CCDC15: variants seen among roughly 807,000 people sequenced by gnomAD.
CCDC15 encodes the protein coiled-coil domain-containing protein 15.
In CCDC15, 105 loss-of-function variants were observed where a neutral mutation model predicts 114.5. The observed-to-expected ratio is 0.92, with a 90% CI of 0.78 to 1.08. The LOEUF (loss-of-function observed/expected upper bound fraction) is 1.08, where lower values mean the gene tolerates loss of function less well. Among genes scored for constraint, CCDC15 ranks in the 50% least tolerant of loss-of-function variants. The pLI, the probability that CCDC15 is intolerant of heterozygous loss-of-function variation, is 0.00. For synonymous variants in CCDC15, 334 were observed against 377.8 expected, an observed-to-expected ratio of 0.88 and a Z score of 1.34; for missense variants, 1,105 against 1,093.6, an observed-to-expected ratio of 1.01 and a Z score of -0.15.
intron 4 of CCDC15, among the ~76,000 whole-genome samples, chr11:124,974,368 G>A (rs111610737): frequency 3.3e-5 from 5 of 152,286 alleles, no homozygotes; most frequent in African/African-American, 1.2e-4. Context: ...AAAATAGGCT[G>A]TGCTTCTCTG....
intron 5 of CCDC15, among the ~76,000 whole-genome samples, chr11:124,976,738 GA>G (rs2135461802): frequency 6.6e-6 from 1 of 152,208 alleles, no homozygotes; most frequent in Non-Finnish European, 1.5e-5. Context: ...AGTTCTGATT[GA>G]AATAATTATC....
At chr11:124,985,662 A>G (rs1353603949) in intron 6 of CCDC15, among the ~76,000 whole-genome samples, 1 of 151,372 alleles carries the variant, frequency 6.6e-6, no homozygotes, top group Non-Finnish European at 1.5e-5. Context: ...TGCTTTACCC[A>G]TTTTTTAATT....
intron 11 of CCDC15, among the ~76,000 whole-genome samples, chr11:124,999,514 A>G (rs1565373993): frequency 6.6e-6 from 1 of 151,868 alleles, no homozygotes; most frequent in African/African-American, 2.4e-5. Flanking sequence ...ATATTGATCC[A>G]ATAGATTCAA....
At chr11:125,040,502 G>A in intron 15 of CCDC15, 88 bp from the exon 16 acceptor site, 1 of 1,195,160 alleles carries the variant, frequency 8.4e-7, no homozygotes, top group Non-Finnish European at 1.2e-6. Flanking sequence ...TAAGACTCTT[G>A]GTAGAGAAGC....
At chr11:125,040,516 A>G in intron 15 of CCDC15, 74 bp from the exon 16 acceptor site, 2 of 1,392,208 alleles carry the variant, frequency 1.4e-6, no homozygotes, top group Non-Finnish European at 9.8e-7. Flanking sequence ...GAGAAGCAGT[A>G]CTAATAAGAT....
At chr11:124,977,736 A>G (rs1947998270) in intron 6 of CCDC15, 136 bp downstream of exon 6, 3 of 845,428 alleles carry the variant, frequency 3.5e-6, no homozygotes, top group Non-Finnish European at 3.3e-6. Context: ...TTCATATACC[A>G]TACAATTCAC....
intron 11 of CCDC15, among the ~76,000 whole-genome samples, chr11:125,000,858 C>T (rs1948468395): frequency 1.3e-5 from 2 of 152,060 alleles, no homozygotes; most frequent in African/African-American, 4.8e-5. Context: ...GGGGAGATAC[C>T]AGGGGTAGAT....
At chr11:124,993,326 T>G in intron 11 of CCDC15, 83 bp downstream of exon 11, 1 of 927,424 alleles carries the variant, frequency 1.1e-6, no homozygotes, top group Non-Finnish European at 1.7e-6. Flanking sequence ...GAGTGTAAAT[T>G]GCTTTTTTTT....
intron 11 of CCDC15, among the ~76,000 whole-genome samples, chr11:124,996,651 G>GT (rs146222316): frequency 0.064 from 9,685 of 152,174 alleles, 371 homozygotes; most frequent in African/African-American, 0.11. Context: ...CATCTCCAGA[G>GT]TTTTTTCCAT....
At chr11:125,038,862 A>C in intron 14 of CCDC15, 59 bp from the exon 15 acceptor site, 340 of 1,390,034 alleles carry the variant, frequency 2.4e-4, no homozygotes, top group Non-Finnish European at 3.0e-4. Flanking sequence ...TAAAATCAGG[A>C]TTCATACTCA....
intron 13 of CCDC15, among the ~76,000 whole-genome samples, chr11:125,018,582 G>C (rs1260232934): frequency 6.6e-6 from 1 of 152,046 alleles, no homozygotes; most frequent in Non-Finnish European, 1.5e-5. Context: ...CCTACCGGCT[G>C]TGTGACTTTG....
In CCDC15 at chr11:124,987,427, G is replaced by A; in HGVS notation, c.1201G>A (p.Glu401Lys). ...IMLKAQSIELEEGSIVLKTQD... is the reference protein window; with the variant it reads ...IMLKAQSIELKEGSIVLKTQD... ...GCTGAAAGCCCAGAGTATTGAGCTA[G>A]AAGAAGGGAGTATTGTGTTGAAAAC... The change falls in exon 8 of 16, where the codon GAA becomes AAA. Residue 401 changes from glutamate to lysine, a missense_variant. Physicochemically the swap from Glu to Lys is moderately conservative, Grantham distance 56. Transcript: ENST00000344762. 6.2e-7 allele frequency: 1 copy of A among 1,613,978 alleles called. No homozygotes were observed. Among genetic ancestry groups the A allele is most frequent in the Non-Finnish European group, 8.5e-7 (1 of 1,179,904 alleles).
chr11:124,979,162 T>G (rs185888736), intron 6 of CCDC15, among the ~76,000 whole-genome samples: 2 of 152,326 alleles, frequency 1.3e-5, no homozygotes, highest in East Asian at 3.9e-4. Context: ...ATGTATCTGT[T>G]TTTGTACTGA....
intron 11 of CCDC15, among the ~76,000 whole-genome samples, chr11:124,998,036 G>A (rs111659927): frequency 3.9e-5 from 6 of 152,314 alleles, no homozygotes; most frequent in East Asian, 1.9e-4. Context: ...TTATTTAGTG[G>A]TAGGAAGCTT....
At position 125,038,428 on chromosome 11, in the gene CCDC15, C is replaced by T; in HGVS notation, c.2412-3C>T. The T allele has an allele frequency of 1.4e-6, 2 of 1,435,142 alleles. No homozygotes were observed. Among genetic ancestry groups the T allele is most frequent in the East Asian group, 2.6e-5 (1 of 38,144 alleles). The allele number at this position is 1,435,142 out of a possible 1,614,324, so 88.9% of individuals were successfully genotyped here. A position where few individuals can be genotyped will look rare whatever the true frequency, so the allele number is the denominator to read the frequency against. Reference sequence around the variant, plus strand: ...CCTAACCATGTTATGATTTTATTTTCAGAATTAAGAAAAAGAGAGAGCAAG... The same window carrying T: ...CCTAACCATGTTATGATTTTATTTTTAGAATTAAGAAAAAGAGAGAGCAAG... On this transcript the variant is annotated splice_region_variant and splice_polypyrimidine_tract_variant and intron_variant, in intron 13 of 15. Transcript: ENST00000344762.
intron 6 of CCDC15, 27 bp from the exon 7 acceptor site, chr11:124,986,715 G>GCGCA (rs1555068535): frequency 1.3e-6 from 2 of 1,519,102 alleles, no homozygotes; most frequent in Non-Finnish European, 1.8e-6. Context: ...GCGCGCGCGT[G>GCGCA]CGCGTTTTCA....
intron 4 of CCDC15, among the ~76,000 whole-genome samples, chr11:124,967,798 G>A (rs1417849575): frequency 6.6e-6 from 1 of 152,214 alleles, no homozygotes; most frequent in East Asian, 1.9e-4. Context: ...TGATGATGGT[G>A]ACCTACAGAT....
chr11:125,033,581 C>T (rs568680568), intron 13 of CCDC15, among the ~76,000 whole-genome samples: 2 of 152,142 alleles, frequency 1.3e-5, no homozygotes. Context: ...ATCTTCTGGA[C>T]CCTCCCAGCT....
At chr11:125,029,183 A>C (rs1169897680) in intron 13 of CCDC15, among the ~76,000 whole-genome samples, 1 of 152,124 alleles carries the variant, frequency 6.6e-6, no homozygotes, top group South Asian at 2.1e-4. Context: ...GCCCTTCCCA[A>C]CCCACTGACT....
Sources: gnomAD v4.1 joint callset for allele counts (sites outside exome capture counted in the v4.1 genomes callset) on GRCh38, gnomAD v4.1.1 for gene constraint, MANE v1.5 for transcripts, NCBI Gene and HGNC (gene_info 2026-07-23, HGNC 2026-07-21) for gene names.